CFAP61: variants seen among roughly 807,000 people sequenced by gnomAD.
CFAP61 encodes the protein cilia and flagella associated protein 61.
Under a neutral mutation model 135.6 loss-of-function variants are expected in CFAP61, and 107 were observed. The observed-to-expected ratio is 0.79, with a 90% confidence interval of 0.67 to 0.93. The LOEUF (loss-of-function observed/expected upper bound fraction) is 0.93, where lower values mean the gene tolerates loss of function less well. CFAP61 is among the 40% of genes least tolerant of loss of function. CFAP61 has a pLI of 0.00. For synonymous variants in CFAP61, 575 were observed against 578.5 expected, an observed-to-expected ratio of 0.99 and a Z score of 0.09; for missense variants, 1,507 against 1,556.2, an observed-to-expected ratio of 0.97 and a Z score of 0.53.
At chr20:20,140,128 A>ATTTTTTTTTTTTTTTTTTTTTTTTTT (rs3060428) in intron 8 of CFAP61, among the ~76,000 whole-genome samples, 4 of 97,308 alleles carry the variant, frequency 4.1e-5, no homozygotes, top group Non-Finnish European at 5.8e-5. Flanking sequence ...GGTGCTGGAA[A>ATTTTTTTTTTTTTTTTTTTTTTTTTT]TTTTTTTTTT....
At chr20:20,219,326 C>T (rs185534135) in intron 17 of CFAP61, among the ~76,000 whole-genome samples, 1 of 152,140 alleles carries the variant, frequency 6.6e-6, no homozygotes, top group African/African-American at 2.4e-5. Flanking sequence ...TGATTTTATC[C>T]CAAAATTTTT....
chr20:20,308,884 A>G (rs1601934707), intron 25 of CFAP61, among the ~76,000 whole-genome samples: 1 of 152,340 alleles, frequency 6.6e-6, no homozygotes, highest in Non-Finnish European at 1.5e-5. Flanking sequence ...TTATGAGTTT[A>G]AAATAATAGC....
At chr20:20,243,771 A>G (rs1024098459) in intron 18 of CFAP61, among the ~76,000 whole-genome samples, 11 of 152,078 alleles carry the variant, frequency 7.2e-5, no homozygotes, top group Admixed American at 3.3e-4. Flanking sequence ...CATTAACTCA[A>G]AAGTCCACAG....
chr20:20,164,007 A>G (rs766802544), intron 10 of CFAP61, 43 bp from the exon 11 acceptor site: 2 of 1,520,912 alleles, frequency 1.3e-6, no homozygotes, highest in African/African-American at 1.4e-5. Context: ...ATTACAGGGC[A>G]TTGACAGGAT....
At chr20:20,080,572 C>A (rs1040402016) in intron 6 of CFAP61, among the ~76,000 whole-genome samples, 2 of 152,094 alleles carry the variant, frequency 1.3e-5, no homozygotes, top group African/African-American at 4.8e-5. Flanking sequence ...GTAGGAAATA[C>A]CCAGATGTTT....
chr20:20,085,786 C>A (rs2046759469), intron 6 of CFAP61, among the ~76,000 whole-genome samples: 1 of 152,106 alleles, frequency 6.6e-6, no homozygotes, highest in African/African-American at 2.4e-5. Flanking sequence ...TTGATGCAAC[C>A]TTTTATTTTT....
intron 7 of CFAP61, 74 bp downstream of exon 7, chr20:20,091,050 G>T: frequency 1.9e-6 from 3 of 1,540,520 alleles, no homozygotes; most frequent in Non-Finnish European, 2.7e-6. Context: ...CTCTTGCGTT[G>T]CTGGGCACCC....
intron 10 of CFAP61, among the ~76,000 whole-genome samples, chr20:20,160,079 G>A (rs2053269126): frequency 6.6e-6 from 1 of 152,226 alleles, no homozygotes; most frequent in East Asian, 1.9e-4. Flanking sequence ...GATTGGCAGG[G>A]TCCTGTGAAC....
At chr20:20,108,578 A>G (rs1182323918) in intron 8 of CFAP61, among the ~76,000 whole-genome samples, 1 of 152,158 alleles carries the variant, frequency 6.6e-6, no homozygotes, top group Non-Finnish European at 1.5e-5. Context: ...ACCTAATAAA[A>G]CACATGTTAT....
At position 20,277,472 on chromosome 20, in the gene CFAP61, T is replaced by G; in HGVS notation, c.2796+14T>G. ...CTCCAGTGCTCTGTAAGTGGGTCCC[T>G]GCAAACCTCACTCACCAGCCAGGGA... On this transcript the variant is annotated intron_variant, in intron 22 of 26. Transcript: ENST00000245957. The G allele has an allele frequency of 6.3e-7, 1 of 1,587,466 alleles. No individual in the cohort carries two copies. Among genetic ancestry groups the G allele is most frequent in the Admixed American group, 1.7e-5 (1 of 58,844 alleles).
At chr20:20,285,264 T>G (rs1197791037) in intron 22 of CFAP61, among the ~76,000 whole-genome samples, 1 of 150,208 alleles carries the variant, frequency 6.7e-6, no homozygotes, top group Non-Finnish European at 1.5e-5. Context: ...GTTTATTATG[T>G]CTCTAAGCAT....
chr20:20,324,212 T>A (rs2057662134), intron 25 of CFAP61, among the ~76,000 whole-genome samples: 1 of 152,134 alleles, frequency 6.6e-6, no homozygotes, highest in African/African-American at 2.4e-5. Flanking sequence ...AGCTTAAGAT[T>A]AAGTAGGAAA....
intron 24 of CFAP61, among the ~76,000 whole-genome samples, chr20:20,296,488 C>A (rs1010041526): frequency 6.7e-6 from 1 of 149,168 alleles, no homozygotes; most frequent in Non-Finnish European, 1.5e-5. Flanking sequence ...TTCCTCCCTC[C>A]CTCCTTCCTT....
In CFAP61 at chr20:20,110,791, C is replaced by T. The variant is rs147502352; in HGVS notation, c.859+11977C>T. 4.9e-4 allele frequency among the ~76,000 whole-genome samples: 74 copies of T among 152,282 alleles called. 1 individual carries two copies. Among genetic ancestry groups the T allele is most frequent in the African/African-American group, 1.7e-3 (69 of 41,554 alleles). ...TCCAAGCACGAGGCCCATACTCACA[C>T]TTGATCTATTGTGATGATGACTATT... On this transcript the variant is annotated intron_variant, in intron 8 of 26. Coordinates refer to ENST00000245957, the MANE Select transcript of CFAP61 (RefSeq NM_015585.4).
intron 22 of CFAP61, among the ~76,000 whole-genome samples, chr20:20,282,606 G>T (rs1357500614): frequency 6.6e-6 from 1 of 151,954 alleles, no homozygotes; most frequent in Non-Finnish European, 1.5e-5. Flanking sequence ...ATTTTTAATT[G>T]ATTTCTAGTG....
intron 8 of CFAP61, among the ~76,000 whole-genome samples, chr20:20,125,554 A>G (rs2050001869): frequency 6.6e-6 from 1 of 151,788 alleles, no homozygotes; most frequent in Non-Finnish European, 1.5e-5. Context: ...ATTGATTTAC[A>G]GTTTTATTCC....
chr20:20,308,061 T>C (rs1302709794), intron 25 of CFAP61, among the ~76,000 whole-genome samples: 1 of 152,234 alleles, frequency 6.6e-6, no homozygotes, highest in African/African-American at 2.4e-5. Flanking sequence ...TAATCACTAA[T>C]ACTCTAGACC....
intron 25 of CFAP61, among the ~76,000 whole-genome samples, chr20:20,328,000 T>C (rs2057831054): frequency 6.6e-6 from 1 of 152,172 alleles, no homozygotes; most frequent in Non-Finnish European, 1.5e-5. Context: ...CAGGCACTGC[T>C]CTTCTCTCCA....
At chr20:20,193,391 A>AGAT (rs2056059329) in intron 15 of CFAP61, among the ~76,000 whole-genome samples, 1 of 151,970 alleles carries the variant, frequency 6.6e-6, no homozygotes, top group East Asian at 1.9e-4. Flanking sequence ...TTTGACATCG[A>AGAT]GATGTTCACA....
Sources: allele counts gnomAD v4.1 joint callset (sites outside exome capture counted in the v4.1 genomes callset), GRCh38; gene constraint gnomAD v4.1.1; transcripts MANE v1.5; gene names NCBI Gene and HGNC (gene_info 2026-07-23, HGNC 2026-07-21).